The following IRAG1 variants were observed in gnomAD, a reference collection of about 807,000 sequenced individuals.
IRAG1 encodes IP3R-associated cGMP kinase substrate.
Under a neutral mutation model 106.2 loss-of-function variants are expected in IRAG1, and 62 were observed. That is an observed-to-expected ratio of 0.58 (90% CI 0.48 to 0.72). The LOEUF is 0.72. Among genes scored for constraint, IRAG1 ranks in the 30% least tolerant of loss-of-function variants. IRAG1 has a pLI of 0.00. For missense variants in IRAG1, 1,064 were observed against 1,140.7 expected (o/e 0.93, Z 0.97); for synonymous variants, 462 against 443.9 (o/e 1.04, Z -0.51).
At chr11:10,594,044 C>A in intron 16 of IRAG1, 102 bp downstream of exon 16, 1 of 1,106,598 alleles carries the variant, frequency 9.0e-7, no homozygotes, top group African/African-American at 1.6e-5. Flanking sequence ...TTCAGAGATT[C>A]TCTGGCATCC....
chr11:10,633,300 C>T (rs772725773), intron 3 of IRAG1, among the ~76,000 whole-genome samples: 8 of 152,188 alleles, frequency 5.3e-5, no homozygotes, highest in East Asian at 1.9e-4. Flanking sequence ...TGGTCTCGAT[C>T]TCCTGACCTC....
At chr11:10,690,043 C>A (rs544490636) in intron 1 of IRAG1, among the ~76,000 whole-genome samples, 7 of 152,138 alleles carry the variant, frequency 4.6e-5, no homozygotes, top group Non-Finnish European at 1.0e-4. Context: ...GTAACCAGAG[C>A]TGATTAAGCC....
chr11:10,591,162 G>A (rs143276140), intron 18 of IRAG1, among the ~76,000 whole-genome samples: 2 of 152,342 alleles, frequency 1.3e-5, no homozygotes, highest in African/African-American at 4.8e-5. Flanking sequence ...AATGTGGCCA[G>A]AGGCAAGGAA....
chr11:10,580,305 T>C, intron 20 of IRAG1, 150 bp downstream of exon 20: 1 of 1,178,260 alleles, frequency 8.5e-7, no homozygotes, highest in Non-Finnish European at 1.2e-6. Context: ...TCCCAACATG[T>C]GTGCCCTCTT....
At chr11:10,650,235 G>A (rs1858357251) in intron 2 of IRAG1, among the ~76,000 whole-genome samples, 2 of 152,158 alleles carry the variant, frequency 1.3e-5, no homozygotes, top group Admixed American at 6.5e-5. Flanking sequence ...TCCCTTGAAT[G>A]TCTAAGTGAC....
At chr11:10,692,760 T>C (rs960917410) in intron 1 of IRAG1, among the ~76,000 whole-genome samples, 5 of 152,220 alleles carry the variant, frequency 3.3e-5, no homozygotes, top group Non-Finnish European at 7.3e-5. Context: ...GCAGAGCCTC[T>C]ATAGCCTTTA....
Position 10,665,197 on chromosome 11 carries a change from C to T in IRAG1, c.68-13015G>A, listed in dbSNP as rs1366654348. ...CTCAGATCTAGAGTTGATGAGCTTA[C>T]CCTAAGTTATTCCCTAACTTAGAAT... On this transcript the variant is annotated intron_variant, in intron 1 of 20. Coordinates refer to ENST00000423302, the MANE Select transcript of IRAG1 (RefSeq NM_130385.4). The surrounding 1 kb of genome is among the most constrained non-coding windows in gnomAD (Gnocchi z 4.2). Among the ~76,000 whole-genome samples the T allele has an allele frequency of 1.3e-5, 2 of 152,156 alleles. No homozygotes were observed. The highest frequency in any genetic ancestry group is 4.8e-5 in the African/African-American group (2 of 41,432).
At chr11:10,609,880 G>A (rs1854799334) in intron 10 of IRAG1, 29 bp from the exon 11 acceptor site, 2 of 1,611,184 alleles carry the variant, frequency 1.2e-6, no homozygotes, top group Non-Finnish European at 1.7e-6. Context: ...CTTATAAAAT[G>A]TCTCTTTGAA....
At chr11:10,623,925 G>A (rs1019902710) in intron 9 of IRAG1, 69 bp from the exon 10 acceptor site, 19 of 1,445,302 alleles carry the variant, frequency 1.3e-5, no homozygotes, top group East Asian at 2.3e-5. Context: ...TCTTGGCTCT[G>A]TCTATGGTTC....
chr11:10,640,156 G>A (rs1237773536), intron 2 of IRAG1, among the ~76,000 whole-genome samples: 2 of 152,188 alleles, frequency 1.3e-5, no homozygotes, highest in African/African-American at 4.8e-5. Context: ...CCTTCTGATA[G>A]GAGCTTTCTC....
At chr11:10,656,245 C>A (rs1858914900) in intron 1 of IRAG1, among the ~76,000 whole-genome samples, 1 of 152,184 alleles carries the variant, frequency 6.6e-6, no homozygotes. Context: ...GCCCTTCTTG[C>A]TGCCTCTCCA....
chr11:10,576,309 G>T lies in IRAG1; in HGVS notation c.*23C>A, dbSNP rs1444612711. The T allele has an allele frequency of 3.1e-6, 5 of 1,612,456 alleles. No individual in the cohort carries two copies. The highest frequency in any genetic ancestry group is 4.2e-6 in the Non-Finnish European group (5 of 1,179,500). ...GGTAGTCTGAGTGTCTCAGAGCAGG[G>T]CACTGGCTAGGTGTGAGGTTTCCTA... On this transcript the variant is annotated 3_prime_UTR_variant, in exon 21 of 21. Transcript: ENST00000423302.
chr11:10,599,489 T>C (rs1397587816), intron 15 of IRAG1, among the ~76,000 whole-genome samples: 1 of 152,156 alleles, frequency 6.6e-6, no homozygotes, highest in Non-Finnish European at 1.5e-5. Context: ...CCTAGGTGCA[T>C]GTGGGTCAGG....
At chr11:10,680,364 AGAAAGAAG>A (rs1243714200) in intron 1 of IRAG1, among the ~76,000 whole-genome samples, 83 of 48,366 alleles carry the variant, frequency 1.7e-3, no homozygotes, top group Admixed American at 2.9e-3. Flanking sequence ...AAAGAAAGAA[AGAAAGAAG>A]GAAGGAAGGA....
At chr11:10,651,001 A>G (rs1589917876) in intron 2 of IRAG1, among the ~76,000 whole-genome samples, 1 of 152,240 alleles carries the variant, frequency 6.6e-6, no homozygotes, top group East Asian at 1.9e-4. Context: ...TTGTAAAAAT[A>G]ATGCTCCACT....
Position 10,617,961 on chromosome 11 carries a change from T to C in IRAG1, c.1447+5817A>G, listed in dbSNP as rs572829851. Among the ~76,000 whole-genome samples, 59 of 152,310 alleles carry C rather than the reference T, an allele frequency of 3.9e-4. 1 individual carries two copies. The highest frequency in any genetic ancestry group is 2.6e-4 in the Admixed American group (4 of 15,308). ...TGTCCAGAAGAATTATTCTAAAATATAGATTTGATCCTGATGCTTCCTTAC... is the reference window on the plus strand; with the variant it reads ...TGTCCAGAAGAATTATTCTAAAATACAGATTTGATCCTGATGCTTCCTTAC... On this transcript the variant is annotated intron_variant, in intron 10 of 20. Coordinates refer to ENST00000423302, the MANE Select transcript of IRAG1 (RefSeq NM_130385.4).
intron 13 of IRAG1, among the ~76,000 whole-genome samples, chr11:10,603,708 T>C (rs1445690272): frequency 1.3e-5 from 2 of 152,074 alleles, no homozygotes; most frequent in South Asian, 2.1e-4. Flanking sequence ...CTCAATGTGA[T>C]AGTGAAGTGG....
chr11:10,644,002 A>G (rs2134796175), intron 2 of IRAG1, among the ~76,000 whole-genome samples: 1 of 152,230 alleles, frequency 6.6e-6, no homozygotes, highest in Non-Finnish European at 1.5e-5. Context: ...CTTCCACGCT[A>G]AATTCTCACA....
chr11:10,594,932 T>G (rs1194073096), intron 15 of IRAG1, among the ~76,000 whole-genome samples: 2 of 152,106 alleles, frequency 1.3e-5, no homozygotes, highest in Non-Finnish European at 2.9e-5. Flanking sequence ...AAAAAAAAAT[T>G]TTTTTTTCTT....
Sources: gnomAD v4.1 joint callset for allele counts (sites outside exome capture counted in the v4.1 genomes callset) on GRCh38, gnomAD v4.1.1 for gene constraint, Gnocchi (gnomAD v3.1) non-coding constraint, MANE v1.5 for transcripts, NCBI Gene and HGNC (gene_info 2026-07-23, HGNC 2026-07-21) for gene names.